ZC3H8: variants seen among roughly 807,000 people sequenced by gnomAD.
The protein encoded by ZC3H8 is zinc finger CCCH-type containing 8.
In ZC3H8, 27 loss-of-function variants were observed where a neutral mutation model predicts 42.5. The observed-to-expected ratio is 0.64, with a 90% CI of 0.47 to 0.88. The LOEUF (loss-of-function observed/expected upper bound fraction) is 0.88. Among genes scored for constraint, ZC3H8 ranks in the 40% least tolerant of loss-of-function variants. The pLI is 0.00. For missense variants in ZC3H8, 277 were observed against 336.1 expected (o/e 0.82, Z 1.37); for synonymous variants, 101 against 110.1 (o/e 0.92, Z 0.52).
rs757861272 is a variant in ZC3H8, at chr2:112,215,502, T to C, written c.*982A>G. On this transcript the variant is annotated 3_prime_UTR_variant, in exon 9 of 9. Coordinates refer to ENST00000409573, the MANE Select transcript of ZC3H8 (RefSeq NM_032494.3). ...TAGATAACAATGAAAATAACTTTGA[T>C]TCCTATTTTCAAATAGGACTTTGCT... is the stretch of plus-strand genomic sequence containing the variant. The C allele has an allele frequency of 6.6e-6, 1 of 152,244 alleles. No homozygotes were observed. The highest frequency in any genetic ancestry group is 2.4e-5 in the African/African-American group (1 of 41,464). The allele number at this position is 152,244 out of a possible 1,614,324, so 9.4% of individuals were successfully genotyped here. A position where few individuals can be genotyped will look rare whatever the true frequency, so the allele number is the denominator to read the frequency against.
intron 1 of ZC3H8, among the ~76,000 whole-genome samples, chr2:112,251,906 G>A (rs1219660381): frequency 2.0e-5 from 3 of 152,192 alleles, no homozygotes; most frequent in Non-Finnish European, 4.4e-5. Flanking sequence ...TGTAAAACAT[G>A]TTCTTTACTT....
At chr2:112,253,569 A>G (rs1686028760) in intron 1 of ZC3H8, among the ~76,000 whole-genome samples, 1 of 152,234 alleles carries the variant, frequency 6.6e-6, no homozygotes, top group Non-Finnish European at 1.5e-5. Context: ...CTAGAATGTG[A>G]AAAAGACCAA....
intron 2 of ZC3H8, among the ~76,000 whole-genome samples, chr2:112,242,646 G>A (rs1685624408): frequency 6.6e-6 from 1 of 152,196 alleles, no homozygotes; most frequent in Admixed American, 6.5e-5. Context: ...GCAAATCACT[G>A]TGGTTATTAT....
intron 8 of ZC3H8, among the ~76,000 whole-genome samples, chr2:112,222,410 C>T (rs935119195): frequency 6.6e-6 from 1 of 152,082 alleles, no homozygotes; most frequent in African/African-American, 2.4e-5. Context: ...GAGTTGCCTG[C>T]CCTGCTGTCT....
intron 2 of ZC3H8, among the ~76,000 whole-genome samples, chr2:112,241,849 C>T (rs1265482447): frequency 6.6e-6 from 1 of 152,168 alleles, no homozygotes; most frequent in East Asian, 1.9e-4. Context: ...AACTGTATTT[C>T]AATCAAATCA....
Position 112,212,552 on chromosome 2 carries a change from C to T in ZC3H8, c.*3932G>A, listed in dbSNP as rs1159438917. Reference sequence around the variant, plus strand: ...TAGACAACCCAAATCAAAATGGCTTCAACAATAATGAAAATATATTATTTC... The same window carrying T: ...TAGACAACCCAAATCAAAATGGCTTTAACAATAATGAAAATATATTATTTC... On this transcript the variant is annotated 3_prime_UTR_variant, in exon 9 of 9. Transcript: ENST00000409573. The T allele has an allele frequency of 2.0e-5, 3 of 152,072 alleles. No homozygotes were observed. The highest frequency in any genetic ancestry group is 2.9e-5 in the Non-Finnish European group (2 of 68,018). The allele number at this position is 152,072 out of a possible 1,614,324, so 9.4% of individuals were successfully genotyped here.
chr2:112,253,421 A>T (rs2104673539), intron 1 of ZC3H8, among the ~76,000 whole-genome samples: 1 of 152,350 alleles, frequency 6.6e-6, no homozygotes, highest in Non-Finnish European at 1.5e-5. Context: ...AAAAACCAGA[A>T]ACCATATGAG....
intron 2 of ZC3H8, among the ~76,000 whole-genome samples, chr2:112,245,788 G>A (rs1685741595): frequency 6.6e-6 from 1 of 152,186 alleles, no homozygotes; most frequent in South Asian, 2.1e-4. Context: ...ACAGCCTTAT[G>A]TTGGAAAAAG....
chr2:112,237,212 T>C (rs1685370675), intron 3 of ZC3H8, among the ~76,000 whole-genome samples: 2 of 152,134 alleles, frequency 1.3e-5, no homozygotes. Context: ...CATCCTGGAT[T>C]CCCCATTCAT....
rs1258435721 is a variant in ZC3H8, at chr2:112,215,142, G to T, written c.*1342C>A. 6.6e-6 allele frequency: 1 copy of T among 152,060 alleles called. No individual in the cohort carries two copies. Among genetic ancestry groups the T allele is most frequent in the African/African-American group, 2.4e-5 (1 of 41,398 alleles). The allele number at this position is 152,060 out of a possible 1,614,324, so 9.4% of individuals were successfully genotyped here. A position where few individuals can be genotyped will look rare whatever the true frequency, so the allele number is the denominator to read the frequency against. ...AGTAAACTGCTAGACTGTAGTATAA[G>T]ATTAACTACAAGTATTGACAAGGCT... On this transcript the variant is annotated 3_prime_UTR_variant, in exon 9 of 9. Transcript: ENST00000409573.
rs1311415455 is a variant in ZC3H8, at chr2:112,250,174, G to A, written c.156+17C>T. On this transcript the variant is annotated intron_variant, in intron 2 of 8. Transcript: ENST00000409573. ...AATCTGCGTTTTCAACTTAAACAGTGGTCAACTTAATCTTACTTTTTTGGG... is the reference window on the plus strand; with the variant it reads ...AATCTGCGTTTTCAACTTAAACAGTAGTCAACTTAATCTTACTTTTTTGGG... 4 of 1,541,604 alleles carry A rather than the reference G, an allele frequency of 2.6e-6. No individual in the cohort carries two copies. The highest frequency in any genetic ancestry group is 2.5e-5 in the South Asian group (2 of 81,136).
At chr2:112,252,994 C>T (rs984825557) in intron 1 of ZC3H8, among the ~76,000 whole-genome samples, 14 of 152,092 alleles carry the variant, frequency 9.2e-5, no homozygotes, top group East Asian at 3.9e-4. Context: ...ATACGTCGGG[C>T]GTGGTGGCAG....
chr2:112,250,268 C>T lies in ZC3H8; in HGVS notation c.79G>A (p.Asp27Asn), dbSNP rs1438513638. 11 of 1,549,814 alleles carry T rather than the reference C, an allele frequency of 7.1e-6. No individual in the cohort carries two copies. The highest frequency in any genetic ancestry group is 6.1e-5 in the South Asian group (5 of 82,376). Residue 27 changes from aspartate to asparagine, a missense_variant, in exon 2 of 9, where the codon GAT becomes AAT. By Grantham distance (23) the Asp-to-Asn change is conservative. Transcript: ENST00000409573. ...TCAACTTCTGTATCTATTTCATCATCGATTCTGTAGCAAAAATATCAAATA... is the reference window on the plus strand; with the variant it reads ...TCAACTTCTGTATCTATTTCATCATTGATTCTGTAGCAAAAATATCAAATA... Reference protein sequence around the residue: ...KTATDSDERIDDEIDTEVEET... With the variant: ...KTATDSDERINDEIDTEVEET...
chr2:112,254,427 G>C (rs1686056273), intron 1 of ZC3H8, among the ~76,000 whole-genome samples: 1 of 152,162 alleles, frequency 6.6e-6, no homozygotes, highest in South Asian at 2.1e-4. Flanking sequence ...GCAGAGTATT[G>C]CCTATTCTTT....
At chr2:112,239,939 T>C (rs1685513452) in intron 2 of ZC3H8, among the ~76,000 whole-genome samples, 1 of 152,146 alleles carries the variant, frequency 6.6e-6, no homozygotes, top group Non-Finnish European at 1.5e-5. Flanking sequence ...ACCAGAGGAT[T>C]GATTATAAGC....
intron 2 of ZC3H8, among the ~76,000 whole-genome samples, chr2:112,244,630 T>C (rs1444888844): frequency 6.6e-6 from 1 of 152,212 alleles, no homozygotes; most frequent in Non-Finnish European, 1.5e-5. Context: ...CACCATTTTT[T>C]GAAAAGCATG....
chr2:112,236,739 T>C (rs1011212601), intron 3 of ZC3H8, 44 bp from the exon 4 acceptor site: 4 of 1,528,222 alleles, frequency 2.6e-6, no homozygotes, highest in African/African-American at 2.8e-5. Flanking sequence ...AAAGTTACAA[T>C]AGCAGTTTAC....
At chr2:112,246,734 T>C (rs762698762) in intron 2 of ZC3H8, among the ~76,000 whole-genome samples, 1 of 152,220 alleles carries the variant, frequency 6.6e-6, no homozygotes, top group African/African-American at 2.4e-5. Flanking sequence ...TGAACATTGT[T>C]GAAATGACAA....
chr2:112,237,321 T>C (rs1685378998), intron 3 of ZC3H8, among the ~76,000 whole-genome samples: 1 of 152,366 alleles, frequency 6.6e-6, no homozygotes, highest in South Asian at 2.1e-4. Context: ...GTTCAGAGTA[T>C]GATGGATCTA....
Sources: gnomAD v4.1 joint callset for allele counts (sites outside exome capture counted in the v4.1 genomes callset) on GRCh38, gnomAD v4.1.1 for gene constraint, MANE v1.5 for transcripts, NCBI Gene and HGNC (gene_info 2026-07-23, HGNC 2026-07-21) for gene names.